The following NAALADL2 variants were observed in gnomAD, a reference collection of about 807,000 sequenced individuals.
NAALADL2 encodes the protein inactive N-acetylated-alpha-linked acidic dipeptidase-like protein 2.
Under a neutral mutation model 87.2 loss-of-function variants are expected in NAALADL2, and 76 were observed. That is an observed-to-expected ratio of 0.87 (90% confidence interval 0.72 to 1.05). The LOEUF (loss-of-function observed/expected upper bound fraction) is 1.05. NAALADL2 is among the 50% of genes least tolerant of loss of function. The pLI is 0.00. For synonymous variants in NAALADL2, 354 were observed against 331.0 expected, an observed-to-expected ratio of 1.07 and a Z score of -0.75; for missense variants, 1,089 against 945.8, an observed-to-expected ratio of 1.15 and a Z score of -1.99.
chr3:175,710,050 G>A (rs1238681956), intron 11 of NAALADL2, among the ~76,000 whole-genome samples: 1 of 151,950 alleles, frequency 6.6e-6, no homozygotes, highest in African/African-American at 2.4e-5. Context: ...TTTTAAGATG[G>A]AAGATAACCT....
At chr3:174,785,187 C>T (rs986002910) in intron 3 of NAALADL2, among the ~76,000 whole-genome samples, 2 of 152,100 alleles carry the variant, frequency 1.3e-5, no homozygotes, top group African/African-American at 4.8e-5. Context: ...TCTACTGTTT[C>T]CCTCTATTAG....
At chr3:175,568,864 T>C in intron 9 of NAALADL2, among the ~76,000 whole-genome samples, 1 of 152,226 alleles carries the variant, frequency 6.6e-6, no homozygotes, top group East Asian at 1.9e-4. Flanking sequence ...AACTGCAGTA[T>C]TTCCAAATTA....
At chr3:175,293,525 G>T (rs1273699615) in intron 4 of NAALADL2, among the ~76,000 whole-genome samples, 2 of 152,112 alleles carry the variant, frequency 1.3e-5, no homozygotes, top group Non-Finnish European at 2.9e-5. Flanking sequence ...TTGAATATTT[G>T]TGTCTGCCCC....
chr3:174,590,064 G>T (rs1717190707), intron 2 of NAALADL2, among the ~76,000 whole-genome samples: 1 of 151,958 alleles, frequency 6.6e-6, no homozygotes, highest in South Asian at 2.1e-4. Context: ...TCTTTTTTTA[G>T]AAATGAGGCT....
chr3:174,527,396 G>C (rs989213498), intron 1 of NAALADL2, among the ~76,000 whole-genome samples: 3 of 151,818 alleles, frequency 2.0e-5, no homozygotes, highest in Non-Finnish European at 4.4e-5. Flanking sequence ...GCACATGACT[G>C]TAATCCCAGC....
At chr3:175,767,358 GATATA>G (rs1748845689) in intron 13 of NAALADL2, among the ~76,000 whole-genome samples, 1 of 152,064 alleles carries the variant, frequency 6.6e-6, no homozygotes, top group Non-Finnish European at 1.5e-5. Context: ...ATGTGCAATT[GATATA>G]ATCCTTAAAA....
chr3:175,010,804 C>T (rs1037648708), intron 1 of NAALADL2, among the ~76,000 whole-genome samples: 2 of 151,986 alleles, frequency 1.3e-5, no homozygotes, highest in African/African-American at 4.8e-5. Flanking sequence ...TATCATAAAG[C>T]GAGAGTATAG....
intron 12 of NAALADL2, 98 bp downstream of exon 12, chr3:175,737,497 A>AT: frequency 1.3e-6 from 1 of 755,872 alleles, no homozygotes; most frequent in Non-Finnish European, 2.3e-6. Context: ...CTTACTAGCC[A>AT]TGGCAATGCT....
At chr3:174,550,462 C>T (rs116427046) in intron 1 of NAALADL2, 47 of 151,916 alleles carry the variant, frequency 3.1e-4, no homozygotes, top group South Asian at 6.2e-4. Flanking sequence ...TATTCTGCAA[C>T]GTAGTTAAAA....
Position 174,583,483 on chromosome 3 carries a change from A to G in NAALADL2, c.-115+32846A>G, listed in dbSNP as rs74748734. ...ATACAGTGACAGTGTCAAATTTGCTATTGTGGAATTGTATGAATATAGAAC... is the reference window on the plus strand; with the variant it reads ...ATACAGTGACAGTGTCAAATTTGCTGTTGTGGAATTGTATGAATATAGAAC... On this transcript the variant is annotated intron_variant, in intron 2 of 3. Coordinates refer to the NAALADL2 transcript ENST00000434257. 4.5e-3 allele frequency among the ~76,000 whole-genome samples: 680 copies of G among 152,300 alleles called. 6 individuals are homozygous for G. Among genetic ancestry groups the G allele is most frequent in the African/African-American group, 0.015 (642 of 41,576 alleles).
intron 1 of NAALADL2, among the ~76,000 whole-genome samples, chr3:175,042,845 T>A (rs1437185423): frequency 2.6e-5 from 4 of 152,162 alleles, no homozygotes; most frequent in African/African-American, 9.7e-5. Context: ...TGAGTTGTTT[T>A]AGTCACGGGG....
chr3:175,214,379 T>A (rs1742201165), intron 2 of NAALADL2, among the ~76,000 whole-genome samples: 1 of 152,190 alleles, frequency 6.6e-6, no homozygotes, highest in South Asian at 2.1e-4. Flanking sequence ...GTCTTTCAGA[T>A]GAAACACTCC....
chr3:175,369,186 C>A (rs1766105980), intron 5 of NAALADL2, among the ~76,000 whole-genome samples: 1 of 152,094 alleles, frequency 6.6e-6, no homozygotes, highest in Admixed American at 6.5e-5. Flanking sequence ...TGTTCTTGAG[C>A]AAAATGTCAT....
intron 3 of NAALADL2, among the ~76,000 whole-genome samples, chr3:174,786,761 G>A (rs756494809): frequency 2.0e-4 from 31 of 152,152 alleles, no homozygotes; most frequent in Non-Finnish European, 3.5e-4. Flanking sequence ...GAAACACAAG[G>A]TTTGTTAGAT....
At chr3:175,116,804 G>T (rs922008309) in intron 2 of NAALADL2, among the ~76,000 whole-genome samples, 1 of 151,986 alleles carries the variant, frequency 6.6e-6, no homozygotes, top group Admixed American at 6.6e-5. Flanking sequence ...GCGTTGCCAA[G>T]ACAACCCTAA....
At chr3:174,706,969 C>T (rs1387354234) in intron 2 of NAALADL2, among the ~76,000 whole-genome samples, 5 of 152,126 alleles carry the variant, frequency 3.3e-5, no homozygotes. Flanking sequence ...ACAACCCCAT[C>T]AAAAAGTGGG....
intron 2 of NAALADL2, among the ~76,000 whole-genome samples, chr3:174,558,761 C>A (rs1280082442): frequency 6.6e-6 from 1 of 152,096 alleles, no homozygotes; most frequent in Non-Finnish European, 1.5e-5. Flanking sequence ...GATCCTGGTC[C>A]ATGGCCTGAG....
chr3:175,676,439 T>G (rs575373218), intron 11 of NAALADL2: 3 of 152,330 alleles, frequency 2.0e-5, no homozygotes, highest in African/African-American at 7.2e-5. Context: ...TTGGAGCAAC[T>G]AGCTACTCTT....
intron 11 of NAALADL2, among the ~76,000 whole-genome samples, chr3:175,685,376 CTTTGG>C (rs543107969): frequency 6.6e-6 from 1 of 151,592 alleles, no homozygotes; most frequent in Non-Finnish European, 1.5e-5. Flanking sequence ...TGGTTCTTAA[CTTTGG>C]TTTGCTTACA....
Sources: allele counts gnomAD v4.1 joint callset (sites outside exome capture counted in the v4.1 genomes callset), GRCh38; gene constraint gnomAD v4.1.1; transcripts MANE v1.5; gene names NCBI Gene and HGNC (gene_info 2026-07-23, HGNC 2026-07-21).